Variants in RAMP1 observed in about 807,000 individuals in gnomAD.
RAMP1 encodes receptor activity modifying protein 1.
A neutral mutation model predicts 8.2 loss-of-function variants in RAMP1; 7 were observed. The ratio of observed to expected loss-of-function variants is 0.85; its 90% CI spans 0.49 to 1.60. The LOEUF is 1.60. Ranked by LOEUF, RAMP1 falls within the 40% of genes most tolerant of loss-of-function variation. The probability of loss-of-function intolerance (pLI) is 0.00; values close to 1 mark genes in which losing one functional copy is unlikely to be tolerated. For missense variants in RAMP1, 192 were observed against 202.4 expected, an observed-to-expected ratio of 0.95 and a Z score of 0.31; for synonymous variants, 92 against 84.7, an observed-to-expected ratio of 1.09 and a Z score of -0.47.
chr2:237,881,247 T>C (rs933294325), intron 2 of RAMP1, among the ~76,000 whole-genome samples: 3 of 152,228 alleles, frequency 2.0e-5, no homozygotes, highest in Admixed American at 2.0e-4. Context: ...GGGAGCCTCC[T>C]CCTTCATTTT....
intron 2 of RAMP1, among the ~76,000 whole-genome samples, chr2:237,909,637 C>T (rs995405487): frequency 6.6e-6 from 1 of 152,118 alleles, no homozygotes; most frequent in Non-Finnish European, 1.5e-5. Flanking sequence ...TGTCTCAGAG[C>T]CTCAGTTTCC....
rs1275752236 is a variant in RAMP1, at chr2:237,878,043, A to G, written c.191+681A>G. On this transcript the variant is annotated intron_variant, in intron 2 of 2. Transcript: ENST00000254661. This position sits in a 1 kb window ranked among gnomAD's most constrained non-coding sequence, Gnocchi z 5.7. Reference sequence around the variant, plus strand: ...GGCGATCAGAACTCGGCATGTCCGCAATCGACTTTCAAGTCCTTGTTTCTG... The same window carrying G: ...GGCGATCAGAACTCGGCATGTCCGCGATCGACTTTCAAGTCCTTGTTTCTG... 3.0e-6 allele frequency: 3 copies of G among 985,314 alleles called. No individual in the cohort carries two copies. The highest frequency in any genetic ancestry group is 3.6e-6 in the Non-Finnish European group (3 of 829,934). The allele number at this position is 985,314 out of a possible 1,614,324, so 61.0% of individuals were successfully genotyped here.
Position 237,877,928 on chromosome 2 carries a change from A to C in RAMP1, c.191+566A>C, listed in dbSNP as rs2062326326. The C allele has an allele frequency of 4.1e-6, 4 of 984,720 alleles. No individual in the cohort carries two copies. Among genetic ancestry groups the C allele is most frequent in the Non-Finnish European group, 4.8e-6 (4 of 829,326 alleles). 61.0% of individuals were successfully genotyped at this position (984,720 alleles called of 1,614,324 possible). On this transcript the variant is annotated intron_variant, in intron 2 of 2. Transcript: ENST00000254661. The surrounding 1 kb of genome is among the most constrained non-coding windows in gnomAD (Gnocchi z 4.4). ...TTCTTCCCGCTTGAGGGGCTCCCTC[A>C]TTGCCTCCCTCAGCCTCCTGGGTGC...
intron 2 of RAMP1, among the ~76,000 whole-genome samples, chr2:237,891,404 C>G (rs2062487595): frequency 6.6e-6 from 1 of 152,212 alleles, no homozygotes. Context: ...CCTGCCTCGG[C>G]CTCCCAAAGT....
chr2:237,911,896 TC>T lies in RAMP1; in HGVS notation c.*114del. 7.1e-7 allele frequency: 1 copy of T among 1,415,660 alleles called. No individual in the cohort carries two copies. 87.7% of individuals were successfully genotyped at this position (1,415,660 alleles called of 1,614,324 possible). ...CAGAGCAGGCCCACAATGCCCCCCT[TC>T]TTCCAGCCAAGAAGAGCTCACAGGA... On this transcript the variant is annotated 3_prime_UTR_variant, in exon 3 of 3. Coordinates refer to ENST00000254661, the MANE Select transcript of RAMP1 (RefSeq NM_005855.4).
chr2:237,867,751 ACT>A (rs2062204080), intron 1 of RAMP1, among the ~76,000 whole-genome samples: 1 of 152,128 alleles, frequency 6.6e-6, no homozygotes, highest in South Asian at 2.1e-4. Flanking sequence ...TCTGTTGGCC[ACT>A]GTTTGTTCTG....
intron 2 of RAMP1, among the ~76,000 whole-genome samples, chr2:237,903,621 G>T (rs2062627542): frequency 6.6e-6 from 1 of 151,644 alleles, no homozygotes; most frequent in Non-Finnish European, 1.5e-5. Flanking sequence ...CACCTCCCTG[G>T]GCTCATGTGA....
intron 2 of RAMP1, among the ~76,000 whole-genome samples, chr2:237,903,940 T>C (rs1248312862): frequency 1.3e-5 from 2 of 152,196 alleles, no homozygotes; most frequent in Non-Finnish European, 2.9e-5. Context: ...GGTCTCACTA[T>C]GTTTCCCAGG....
intron 2 of RAMP1, among the ~76,000 whole-genome samples, chr2:237,909,825 G>A (rs936933641): frequency 1.3e-5 from 2 of 152,146 alleles, no homozygotes; most frequent in Non-Finnish European, 2.9e-5. Flanking sequence ...TCTCCCCAGA[G>A]AGCCCTGGGG....
chr2:237,864,185 G>A (rs1470245684), intron 1 of RAMP1, among the ~76,000 whole-genome samples: 2 of 152,118 alleles, frequency 1.3e-5, no homozygotes, highest in African/African-American at 2.4e-5. Flanking sequence ...CAGGGGGTGG[G>A]GTACAGCTTG....
chr2:237,866,203 A>C (rs921504783), intron 1 of RAMP1, among the ~76,000 whole-genome samples: 9 of 151,928 alleles, frequency 5.9e-5, no homozygotes, highest in Non-Finnish European at 1.3e-4. Context: ...CAGATGACTC[A>C]TTCAGTGTCT....
intron 2 of RAMP1, among the ~76,000 whole-genome samples, chr2:237,884,408 T>C (rs558626953): frequency 6.1e-4 from 93 of 152,286 alleles, no homozygotes; most frequent in African/African-American, 2.2e-3. Flanking sequence ...CCAGAGACCT[T>C]CCTATGGGTG....
chr2:237,864,675 A>G (rs1016479761), intron 1 of RAMP1, among the ~76,000 whole-genome samples: 1 of 152,216 alleles, frequency 6.6e-6, no homozygotes, highest in African/African-American at 2.4e-5. Context: ...AGGGTGTCCT[A>G]CACAACCCAG....
intron 1 of RAMP1, among the ~76,000 whole-genome samples, chr2:237,869,112 C>G (rs966010020): frequency 6.6e-6 from 1 of 152,094 alleles, no homozygotes; most frequent in African/African-American, 2.4e-5. Context: ...TGTGTGAAAA[C>G]CCTGCACTGC....
At chr2:237,894,424 G>A (rs994976430) in intron 2 of RAMP1, among the ~76,000 whole-genome samples, 3 of 152,346 alleles carry the variant, frequency 2.0e-5, no homozygotes, top group South Asian at 2.1e-4. Context: ...AGGAGGAGCC[G>A]GGGGCAGTGC....
rs968378609 is a variant in RAMP1, at chr2:237,895,249, A to G, written c.192-16279A>G. ...CCAAAGGCAGGGCAGCGCGAGTCAC[A>G]TGCCCACCCCCTGCTGTGCAAAGGG... is the stretch of plus-strand genomic sequence containing the variant. On this transcript the variant is annotated intron_variant, in intron 2 of 2. Coordinates refer to ENST00000254661, the MANE Select transcript of RAMP1 (RefSeq NM_005855.4). Among the ~76,000 whole-genome samples, 2 of 152,078 alleles carry G rather than the reference A, an allele frequency of 1.3e-5. 1 individual carries two copies. The highest frequency in any genetic ancestry group is 4.8e-5 in the African/African-American group (2 of 41,402).
At chr2:237,888,189 G>A (rs1412002904) in intron 2 of RAMP1, among the ~76,000 whole-genome samples, 4 of 152,046 alleles carry the variant, frequency 2.6e-5, no homozygotes, top group African/African-American at 7.2e-5. Flanking sequence ...GAGTAGCTGG[G>A]ATTACAGGTG....
In RAMP1 at chr2:237,877,337, T is replaced by C; in HGVS notation, c.166T>C (p.Trp56Arg). The change falls in exon 2 of 3, where the codon TGG (tryptophan) becomes CGG (arginine). Residue 56 changes from tryptophan (W) to arginine (R), a missense_variant. Transcript: ENST00000254661. The surrounding 1 kb of genome is among the most constrained non-coding windows in gnomAD (Gnocchi z 4.4). ...CATGGAGGCCGTCGGGGAGACGCTG[T>C]GGTGTGACTGGGGCAGGACCATCAG... is the stretch of plus-strand genomic sequence containing the variant. ...VDMEAVGETL[W>R]CDWGRTIRSY... 9.3e-6 allele frequency: 15 copies of C among 1,613,514 alleles called. No homozygotes were observed. Among genetic ancestry groups the C allele is most frequent in the Non-Finnish European group, 1.2e-5 (14 of 1,179,786 alleles).
rs1330375517 is a variant in RAMP1 at position 237,862,893 on chromosome 2, G to C, written c.52+3166G>C. ...CGTCTTTCCTCCAGGCTGGATCTGA[G>C]TGGGGCTGCCACAGTCTACCCTGTG... On this transcript the variant is annotated intron_variant, in intron 1 of 2. Transcript: ENST00000254661. This position sits in a 1 kb window ranked among gnomAD's most constrained non-coding sequence, Gnocchi z 4.0. Among the ~76,000 whole-genome samples, 1 of 152,200 alleles carries C rather than the reference G, an allele frequency of 6.6e-6. No homozygotes were observed. The highest frequency in any genetic ancestry group is 2.4e-5 in the African/African-American group (1 of 41,450).
Sources: allele counts gnomAD v4.1 joint callset (sites outside exome capture counted in the v4.1 genomes callset), GRCh38; gene constraint gnomAD v4.1.1; non-coding constraint Gnocchi (gnomAD v3.1); transcripts MANE v1.5; gene names NCBI Gene and HGNC (gene_info 2026-07-23, HGNC 2026-07-21).